The following DSCAM variants were observed in gnomAD, a reference collection of about 807,000 sequenced individuals.
DSCAM encodes DS cell adhesion molecule.
A neutral mutation model predicts 217.7 loss-of-function variants in DSCAM; 47 were observed. The ratio of observed to expected loss-of-function variants is 0.22; its 90% confidence interval spans 0.17 to 0.28. The LOEUF (loss-of-function observed/expected upper bound fraction) is 0.28. Ranked by LOEUF, DSCAM falls within the 10% of genes least tolerant of loss-of-function variation. The pLI is 1.00. For synonymous variants in DSCAM, 1,056 were observed against 1,015.3 expected (o/e 1.04, Z -0.76); for missense variants, 2,080 against 2,618.3 (o/e 0.79, Z 4.49).
chr21:40,609,946 C>T (rs2089291117), intron 3 of DSCAM, among the ~76,000 whole-genome samples: 1 of 152,082 alleles, frequency 6.6e-6, no homozygotes, highest in Non-Finnish European at 1.5e-5. Flanking sequence ...GGTGACAGTC[C>T]AACAAAGAGG....
intron 9 of DSCAM, among the ~76,000 whole-genome samples, chr21:40,298,130 G>A (rs573083549): frequency 4.9e-4 from 70 of 143,560 alleles, no homozygotes; most frequent in African/African-American, 1.6e-3. Context: ...TTGCCTAGGT[G>A]GAGTGCAGTG....
intron 4 of DSCAM, among the ~76,000 whole-genome samples, chr21:40,367,043 T>C (rs933735911): frequency 2.6e-5 from 4 of 152,200 alleles, no homozygotes; most frequent in African/African-American, 7.2e-5. Flanking sequence ...TCTGTTCTTC[T>C]GAAAGGAGTA....
chr21:40,599,004 T>G (rs1054507291), intron 3 of DSCAM, among the ~76,000 whole-genome samples: 2 of 152,204 alleles, frequency 1.3e-5, no homozygotes, highest in African/African-American at 4.8e-5. Flanking sequence ...TCTTCTTAGG[T>G]GAGGTGATCT....
intron 3 of DSCAM, among the ~76,000 whole-genome samples, chr21:40,478,689 A>T (rs2075957598): frequency 6.6e-6 from 1 of 152,180 alleles, no homozygotes; most frequent in Admixed American, 6.5e-5. Context: ...TGCTACTACC[A>T]CAACTACAAC....
At chr21:40,792,626 A>T (rs2091656087) in intron 1 of DSCAM, among the ~76,000 whole-genome samples, 1 of 152,236 alleles carries the variant, frequency 6.6e-6, no homozygotes, top group Admixed American at 6.5e-5. Context: ...ATGAGGAAAG[A>T]CAGAATTCTG....
At chr21:40,465,508 T>C (rs1013934300) in intron 3 of DSCAM, among the ~76,000 whole-genome samples, 2 of 152,200 alleles carry the variant, frequency 1.3e-5, no homozygotes, top group Non-Finnish European at 2.9e-5. Flanking sequence ...CTCTGTTCCA[T>C]TAAAAATAAT....
intron 20 of DSCAM, among the ~76,000 whole-genome samples, chr21:40,098,701 T>C (rs1383757556): frequency 6.6e-6 from 1 of 152,240 alleles, no homozygotes; most frequent in Admixed American, 6.5e-5. Flanking sequence ...TCATACAACC[T>C]CATGCTTCCT....
At chr21:40,457,944 G>A (rs890776383) in intron 3 of DSCAM, among the ~76,000 whole-genome samples, 2 of 152,116 alleles carry the variant, frequency 1.3e-5, no homozygotes, top group African/African-American at 2.4e-5. Context: ...CCTTTATGAT[G>A]AGTAAGCATA....
At chr21:40,017,681 A>G (rs763345606) in intron 32 of DSCAM, among the ~76,000 whole-genome samples, 9 of 151,816 alleles carry the variant, frequency 5.9e-5, no homozygotes, top group Admixed American at 1.3e-4. Context: ...CCTCCTGAGT[A>G]GCTGGGATTA....
chr21:40,704,292 T>A (rs780545991), intron 2 of DSCAM, among the ~76,000 whole-genome samples: 1 of 152,232 alleles, frequency 6.6e-6, no homozygotes, highest in Non-Finnish European at 1.5e-5. Context: ...CTATGTTGCT[T>A]TTCCAGACTG....
At chr21:40,299,541 G>C (rs1361793796) in intron 9 of DSCAM, among the ~76,000 whole-genome samples, 2 of 152,130 alleles carry the variant, frequency 1.3e-5, no homozygotes, top group African/African-American at 2.4e-5. Context: ...CCTGGGAAAA[G>C]TAGTAATAAG....
chr21:40,577,000 T>TAA (rs59503954), intron 3 of DSCAM, among the ~76,000 whole-genome samples: 1 of 140,180 alleles, frequency 7.1e-6, no homozygotes, highest in African/African-American at 2.6e-5. Context: ...AACAATAAAA[T>TAA]AAAAAAAAAA....
At chr21:40,800,137 T>G (rs527350780) in intron 1 of DSCAM, among the ~76,000 whole-genome samples, 1 of 152,352 alleles carries the variant, frequency 6.6e-6, no homozygotes, top group South Asian at 2.1e-4. Context: ...CTCAGGACTT[T>G]ACAGAGTCCC....
chr21:40,801,196 C>T (rs985204093), intron 1 of DSCAM, among the ~76,000 whole-genome samples: 1 of 151,924 alleles, frequency 6.6e-6, no homozygotes, highest in Admixed American at 6.6e-5. Flanking sequence ...TGTGATCCCC[C>T]TGCCTTGGTC....
At chr21:40,645,339 C>T (rs549987269) in intron 3 of DSCAM, among the ~76,000 whole-genome samples, 14 of 151,830 alleles carry the variant, frequency 9.2e-5, no homozygotes, top group South Asian at 2.1e-4. Flanking sequence ...GTAAAGTATC[C>T]GATAAAGAGC....
At chr21:40,650,524 G>A (rs549946335) in intron 3 of DSCAM, among the ~76,000 whole-genome samples, 30 of 152,314 alleles carry the variant, frequency 2.0e-4, no homozygotes, top group African/African-American at 5.5e-4. Context: ...GGCTGGCGTC[G>A]TCCAGTTCTT....
intron 8 of DSCAM, among the ~76,000 whole-genome samples, chr21:40,322,771 C>A (rs553104823): frequency 1.3e-5 from 2 of 152,136 alleles, no homozygotes; most frequent in African/African-American, 4.8e-5. Context: ...TTGATTTACC[C>A]GCCTCGGCCT....
At chr21:40,040,417 A>C (rs983843655) in intron 32 of DSCAM, among the ~76,000 whole-genome samples, 12 of 152,324 alleles carry the variant, frequency 7.9e-5, no homozygotes, top group Middle Eastern at 3.4e-3. Context: ...AAAGGCCTGC[A>C]CAAATAGGAC....
At chr21:40,429,264 T>A (rs2075506718) in intron 3 of DSCAM, among the ~76,000 whole-genome samples, 1 of 151,930 alleles carries the variant, frequency 6.6e-6, no homozygotes, top group African/African-American at 2.4e-5. Context: ...TATCAAGTTT[T>A]TTGTGCTTTT....
Sources: gnomAD v4.1 joint callset for allele counts (sites outside exome capture counted in the v4.1 genomes callset) on GRCh38, gnomAD v4.1.1 for gene constraint, MANE v1.5 for transcripts, NCBI Gene and HGNC (gene_info 2026-07-23, HGNC 2026-07-21) for gene names.